Variants in DPYD observed in about 807,000 individuals in gnomAD.
DPYD encodes the protein dihydropyrimidine dehydrogenase.
Under a neutral mutation model 116.2 loss-of-function variants are expected in DPYD, and 109 were observed. The ratio of observed to expected loss-of-function variants is 0.94; its 90% CI spans 0.80 to 1.10. The LOEUF is 1.10. Ranked by LOEUF, DPYD falls within the 50% of genes least tolerant of loss-of-function variation. The pLI, the probability that DPYD is intolerant of heterozygous loss-of-function variation, is 0.00. For missense variants in DPYD, 1,302 were observed against 1,254.5 expected, an observed-to-expected ratio of 1.04 and a Z score of -0.57; for synonymous variants, 440 against 432.0, an observed-to-expected ratio of 1.02 and a Z score of -0.23.
intron 18 of DPYD, among the ~76,000 whole-genome samples, chr1:97,286,154 G>T (rs1008906633): frequency 3.3e-5 from 5 of 152,166 alleles, no homozygotes; most frequent in Admixed American, 1.3e-4. Context: ...GTCTGTAAAG[G>T]ATTTTATTTC....
rs375230035 is a variant in DPYD at position 97,750,960 on chromosome 1, C to A, written c.234-10481G>T. ...CTCATAAAGCTACCATAAAAAAGGG[C>A]TGAGGTGGATGAAAAGAATACTGAG... On this transcript the variant is annotated intron_variant, in intron 3 of 22. Coordinates refer to ENST00000370192, the MANE Select transcript of DPYD (RefSeq NM_000110.4). Among the ~76,000 whole-genome samples the A allele has an allele frequency of 9.4e-4, 143 of 152,004 alleles. 5 individuals are homozygous for A. The South Asian group carries it at 0.029, about 30-fold the overall frequency.
chr1:97,530,050 G>A (rs1206668012), intron 12 of DPYD, among the ~76,000 whole-genome samples: 1 of 151,402 alleles, frequency 6.6e-6, no homozygotes, highest in East Asian at 1.9e-4. Context: ...TACCTTAGAT[G>A]CCTCATATAG....
chr1:97,841,530 G>A (rs1670034637), intron 2 of DPYD, among the ~76,000 whole-genome samples: 1 of 151,988 alleles, frequency 6.6e-6, no homozygotes, highest in South Asian at 2.1e-4. Context: ...AAAGGAAACT[G>A]ATGGCATCTC....
intron 14 of DPYD, among the ~76,000 whole-genome samples, chr1:97,396,069 T>G (rs1277984604): frequency 6.9e-6 from 1 of 145,664 alleles, no homozygotes; most frequent in African/African-American, 2.5e-5. Context: ...TATTTTGTTA[T>G]ATAGGAAAAG....
chr1:97,225,488 C>T (rs567387550), intron 19 of DPYD, among the ~76,000 whole-genome samples: 1 of 150,976 alleles, frequency 6.6e-6, no homozygotes, highest in East Asian at 1.9e-4. Flanking sequence ...ACACATAACT[C>T]TCATTCATTT....
chr1:97,567,350 T>TA (rs1652594514), intron 11 of DPYD, among the ~76,000 whole-genome samples: 1 of 152,094 alleles, frequency 6.6e-6, no homozygotes, highest in Admixed American at 6.6e-5. Context: ...AACACTCCCT[T>TA]ATGGAACTAA....
intron 12 of DPYD, among the ~76,000 whole-genome samples, chr1:97,547,963 C>A (rs1052394851): frequency 3.3e-5 from 5 of 152,110 alleles, no homozygotes; most frequent in African/African-American, 4.8e-5. Flanking sequence ...AGTCCAGGCC[C>A]TACCTAGCAA....
chr1:97,154,117 C>A (rs1157746302), intron 20 of DPYD, among the ~76,000 whole-genome samples: 1 of 150,892 alleles, frequency 6.6e-6, no homozygotes, highest in Non-Finnish European at 1.5e-5. Context: ...AGTAGATCTA[C>A]CATTTGATCC....
chr1:97,401,818 T>C (rs1301068751), intron 14 of DPYD, among the ~76,000 whole-genome samples: 4 of 152,160 alleles, frequency 2.6e-5, no homozygotes, highest in African/African-American at 9.7e-5. Context: ...GTGAAGGGTG[T>C]GTCTAGATTA....
chr1:97,881,616 T>C (rs542714687), intron 2 of DPYD, among the ~76,000 whole-genome samples: 111 of 152,138 alleles, frequency 7.3e-4, no homozygotes, highest in African/African-American at 2.6e-3. Flanking sequence ...TAGGATCACA[T>C]TATGAGATAC....
chr1:97,269,555 A>C (rs1664443653), intron 18 of DPYD, among the ~76,000 whole-genome samples: 1 of 152,154 alleles, frequency 6.6e-6, no homozygotes, highest in Non-Finnish European at 1.5e-5. Context: ...GGTAATTTAT[A>C]ATGAACAGAG....
At chr1:97,447,411 T>C (rs1479588620) in intron 14 of DPYD, among the ~76,000 whole-genome samples, 1 of 152,208 alleles carries the variant, frequency 6.6e-6, no homozygotes, top group Non-Finnish European at 1.5e-5. Context: ...ACTCTCAGCA[T>C]GGCAATATCG....
intron 7 of DPYD, among the ~76,000 whole-genome samples, chr1:97,690,301 A>C (rs1417355362): frequency 1.3e-5 from 2 of 152,036 alleles, no homozygotes; most frequent in Non-Finnish European, 2.9e-5. Context: ...CTACTACTGC[A>C]CCTTGATGAG....
chr1:97,706,032 A>C (rs936874227), intron 5 of DPYD, among the ~76,000 whole-genome samples: 5 of 151,994 alleles, frequency 3.3e-5, no homozygotes, highest in Non-Finnish European at 5.9e-5. Context: ...GTAATCGCTA[A>C]AAAATTCACT....
At chr1:97,836,393 A>T (rs2101516365) in intron 2 of DPYD, among the ~76,000 whole-genome samples, 1 of 152,288 alleles carries the variant, frequency 6.6e-6, no homozygotes, top group Middle Eastern at 3.4e-3. Flanking sequence ...GTTTTAATGT[A>T]TGCTTAATCT....
At chr1:97,860,474 T>C (rs1335206743) in intron 2 of DPYD, among the ~76,000 whole-genome samples, 2 of 151,922 alleles carry the variant, frequency 1.3e-5, no homozygotes, top group African/African-American at 2.4e-5. Flanking sequence ...CTAAAACAAA[T>C]GAAATAAAAC....
chr1:97,163,070 G>T (rs1264615659), intron 20 of DPYD, among the ~76,000 whole-genome samples: 1 of 151,140 alleles, frequency 6.6e-6, no homozygotes, highest in East Asian at 1.9e-4. Context: ...CATAGGCATG[G>T]GCAAGGACTT....
chr1:97,608,881 C>A (rs1013849448), intron 8 of DPYD, among the ~76,000 whole-genome samples: 2 of 151,768 alleles, frequency 1.3e-5, no homozygotes, highest in Admixed American at 1.3e-4. Flanking sequence ...TTAGGGAGAT[C>A]AAATAGAAAT....
In DPYD at chr1:97,552,131, A is replaced by G. The variant is rs545486796; in HGVS notation, c.1340-2387T>C. 1.7e-3 allele frequency among the ~76,000 whole-genome samples: 255 copies of G among 152,158 alleles called. 1 individual carries two copies. Among genetic ancestry groups the G allele is most frequent in the African/African-American group, 6.0e-3 (250 of 41,550 alleles). On this transcript the variant is annotated intron_variant, in intron 11 of 22. Transcript: ENST00000370192. ...TACTGAAGCTTAAGTAGGGTCCCTC[A>G]CTTGCATGGGACTCTTTCAAAGCCC...
Sources: allele counts gnomAD v4.1 joint callset (sites outside exome capture counted in the v4.1 genomes callset), GRCh38; gene constraint gnomAD v4.1.1; transcripts MANE v1.5; gene names NCBI Gene and HGNC (gene_info 2026-07-23, HGNC 2026-07-21).